The following GSG1L2 variants were observed in gnomAD, a reference collection of about 807,000 sequenced individuals.
GSG1L2 encodes germ cell-specific gene 1-like protein 2.
Under a neutral mutation model 9.0 loss-of-function variants are expected in GSG1L2, and 15 were observed. That is an observed-to-expected ratio of 1.67 (90% CI 1.12 to 2.57). GSG1L2 has a LOEUF of 2.57. Among genes scored for constraint, GSG1L2 ranks in the 30% most tolerant of loss-of-function variants. GSG1L2 has a pLI of 0.00. For missense variants in GSG1L2, 286 were observed against 150.3 expected (o/e 1.90, Z -4.72); for synonymous variants, 127 against 57.9 (o/e 2.19, Z -5.41).
intron 1 of GSG1L2, among the ~76,000 whole-genome samples, chr17:9,812,932 C>T (rs566012352): frequency 2.6e-4 from 40 of 152,292 alleles, no homozygotes; most frequent in African/African-American, 8.2e-4. Context: ...TAACCTCGCA[C>T]GGCAGAAAGA....
At chr17:9,809,014 A>G (rs761325505) in intron 2 of GSG1L2, 32 bp from the exon 3 acceptor site, 5 of 702,032 alleles carry the variant, frequency 7.1e-6, no homozygotes, top group South Asian at 4.4e-5. Flanking sequence ...GAAACGCTGG[A>G]CACTTCTAAT....
At chr17:9,810,526 A>G in intron 2 of GSG1L2, 45 bp downstream of exon 2, 1 of 700,148 alleles carries the variant, frequency 1.4e-6, no homozygotes. Flanking sequence ...AAATAGTCCA[A>G]GCTATGAGGA....
At chr17:9,821,390 G>C (rs1017159491) in intron 1 of GSG1L2, among the ~76,000 whole-genome samples, 2 of 149,306 alleles carry the variant, frequency 1.3e-5, no homozygotes, top group African/African-American at 5.1e-5. Flanking sequence ...AAATACCAGG[G>C]ATTCAGTGAC....
rs2066585958 is a variant in GSG1L2 at position 9,820,735 on chromosome 17, T to C, written c.310+1027A>G. Among the ~76,000 whole-genome samples, 1 of 151,724 alleles carries C rather than the reference T, an allele frequency of 6.6e-6. No homozygotes were observed. The highest frequency in any genetic ancestry group is 1.9e-4 in the East Asian group (1 of 5,134). On this transcript the variant is annotated intron_variant, in intron 1 of 4. Transcript: ENST00000399363. This position sits in a 1 kb window ranked among gnomAD's most constrained non-coding sequence, Gnocchi z 4.9. ...TGGAGGGCAGTCACACGATGATGAC[T>C]CACTGCAGCCTCAACCTCCCAGGCT... is the stretch of plus-strand genomic sequence containing the variant.
intron 4 of GSG1L2, among the ~76,000 whole-genome samples, chr17:9,803,188 C>T (rs1051785057): frequency 1.1e-4 from 17 of 149,576 alleles, no homozygotes; most frequent in African/African-American, 4.2e-4. Context: ...ACTGCAACCT[C>T]TGCCTCCCGG....
intron 1 of GSG1L2, among the ~76,000 whole-genome samples, chr17:9,816,629 A>T (rs1226309218): frequency 1.4e-3 from 110 of 78,048 alleles, no homozygotes; most frequent in Middle Eastern, 0.011. Flanking sequence ...TCTGTTTTGC[A>T]TGTCTGTGTG....
At chr17:9,811,486 C>T (rs2066538640) in intron 1 of GSG1L2, among the ~76,000 whole-genome samples, 3 of 152,204 alleles carry the variant, frequency 2.0e-5, no homozygotes, top group African/African-American at 7.2e-5. Flanking sequence ...CTTTAAAATT[C>T]TAAGTCCATG....
intron 4 of GSG1L2, 90 bp downstream of exon 4, chr17:9,807,400 C>T (rs2066519792): frequency 2.5e-5 from 17 of 685,698 alleles, no homozygotes; most frequent in South Asian, 2.3e-4. Context: ...AGCACTATGA[C>T]CAAGGTTGGT....
rs141155459 is a variant in GSG1L2 at position 9,802,361 on chromosome 17, C to T, written c.*25G>A. ...TCAGTGCCTGGCTTGTTTGCCTGTG[C>T]GGATGTGGCAGCCATGGACACTGGC... is the stretch of plus-strand genomic sequence containing the variant. On this transcript the variant is annotated 3_prime_UTR_variant, in exon 5 of 5. Coordinates refer to ENST00000399363, the MANE Select transcript of GSG1L2 (RefSeq NM_001310219.2). The T allele has an allele frequency of 2.8e-4, 175 of 628,308 alleles. No homozygotes were observed. Among genetic ancestry groups the T allele is most frequent in the Admixed American group, 6.8e-4 (27 of 39,936 alleles). 38.9% of individuals were successfully genotyped at this position (628,308 alleles called of 1,614,324 possible).
intron 1 of GSG1L2, among the ~76,000 whole-genome samples, chr17:9,812,305 A>T (rs997665590): frequency 1.3e-5 from 2 of 151,932 alleles, no homozygotes; most frequent in African/African-American, 2.4e-5. Flanking sequence ...AAGTAATTTA[A>T]TTTTCCTATT....
At chr17:9,802,696 C>T (rs1055593913) in intron 4 of GSG1L2, 52 bp from the exon 5 acceptor site, 2 of 682,558 alleles carry the variant, frequency 2.9e-6, no homozygotes, top group Non-Finnish European at 5.4e-6. Context: ...GATTCCAGGA[C>T]TTCCTGTTTT....
Position 9,807,508 on chromosome 17 carries a change from T to G in GSG1L2, c.605A>C (p.Asp202Ala), listed in dbSNP as rs182557583. The change falls in exon 4 of 5, where the codon GAC becomes GCC. Residue 202 changes from aspartate (D) to alanine (A), a missense_variant. Physicochemically the swap from Asp to Ala is moderately radical, Grantham distance 126. Transcript: ENST00000399363. ...GPEDWKPQTW[D>A]YGWSYCLAWG... Reference sequence around the variant, plus strand: ...AACTTACCAATATGACCAGCCATAGTCCCAGGTCTGAGGCTTCCAATCTTC... The same window carrying G: ...AACTTACCAATATGACCAGCCATAGGCCCAGGTCTGAGGCTTCCAATCTTC... 1.7e-5 allele frequency: 12 copies of G among 702,980 alleles called. No homozygotes were observed. In the Admixed American group the frequency reaches 2.2e-4, roughly 13 times the overall value. 43.5% of individuals were successfully genotyped at this position (702,980 alleles called of 1,614,324 possible).
intron 3 of GSG1L2, 176 bp downstream of exon 3, chr17:9,808,654 A>G (rs17207780): frequency 0.46 from 259,733 of 563,620 alleles, 60,970 homozygotes; most frequent in African/African-American, 0.58. Context: ...GTCACCCTAA[A>G]AATATTGTCT....
chr17:9,816,590 G>A lies in GSG1L2; in HGVS notation c.310+5172C>T, dbSNP rs1365843484. On this transcript the variant is annotated intron_variant, in intron 1 of 4. Coordinates refer to ENST00000399363, the MANE Select transcript of GSG1L2 (RefSeq NM_001310219.2). Reference sequence around the variant, plus strand: ...TATCTGTGTCTGTGTGTGCACGTGCGTGTCTGTGTGTCTGTGTGTGTCTGT... The same window carrying A: ...TATCTGTGTCTGTGTGTGCACGTGCATGTCTGTGTGTCTGTGTGTGTCTGT... 1.5e-4 allele frequency among the ~76,000 whole-genome samples: 16 copies of A among 104,642 alleles called. No individual in the cohort carries two copies. The South Asian group carries it at 2.1e-3, about 14-fold the overall frequency. 68.6% of individuals were successfully genotyped at this position (104,642 alleles called of 152,430 possible). A position where few individuals can be genotyped will look rare whatever the true frequency, so the allele number is the denominator to read the frequency against.
rs2066498396 is a variant in GSG1L2, at chr17:9,802,001, T to G, written c.*385A>C. Among the ~76,000 whole-genome samples the G allele has an allele frequency of 6.6e-6, 1 of 152,262 alleles. No homozygotes were observed. Among genetic ancestry groups the G allele is most frequent in the Non-Finnish European group, 1.5e-5 (1 of 68,050 alleles). On this transcript the variant is annotated 3_prime_UTR_variant, in exon 5 of 5. Transcript: ENST00000399363. ...CTGGATTTTTCTGTCAACAAACCTATGCGGACAACACATTTTGCCTCCCTT... is the reference window on the plus strand; with the variant it reads ...CTGGATTTTTCTGTCAACAAACCTAGGCGGACAACACATTTTGCCTCCCTT...
At chr17:9,805,278 C>G (rs538411088) in intron 4 of GSG1L2, among the ~76,000 whole-genome samples, 1 of 151,912 alleles carries the variant, frequency 6.6e-6, no homozygotes, top group Non-Finnish European at 1.5e-5. Context: ...TCCCCCACCC[C>G]AAGCACATAG....
intron 1 of GSG1L2, among the ~76,000 whole-genome samples, chr17:9,818,026 T>C (rs1202636476): frequency 6.6e-6 from 1 of 152,158 alleles, no homozygotes; most frequent in Non-Finnish European, 1.5e-5. Context: ...GCCACCTCCT[T>C]TATGAGGTCC....
intron 1 of GSG1L2, among the ~76,000 whole-genome samples, chr17:9,811,389 T>C (rs937546858): frequency 6.6e-6 from 1 of 152,188 alleles, no homozygotes; most frequent in African/African-American, 2.4e-5. Context: ...TCCAGGGGGA[T>C]AGATACTCTT....
rs569570784 is a variant in GSG1L2, at chr17:9,821,613, C to T, written c.310+149G>A. The T allele has an allele frequency of 5.3e-5, 33 of 623,022 alleles. No homozygotes were observed. In the African/African-American group the frequency reaches 5.6e-4, roughly 11 times the overall value. 38.6% of individuals were successfully genotyped at this position (623,022 alleles called of 1,614,324 possible). A position where few individuals can be genotyped will look rare whatever the true frequency, so the allele number is the denominator to read the frequency against. On this transcript the variant is annotated intron_variant, in intron 1 of 4. Coordinates refer to ENST00000399363, the MANE Select transcript of GSG1L2 (RefSeq NM_001310219.2). ...AGACAATCAGTGGAGATGAAGGATT[C>T]AAACCCAGACAGCCTGGCTCCAGAG...
Sources: allele counts gnomAD v4.1 joint callset (sites outside exome capture counted in the v4.1 genomes callset), GRCh38; gene constraint gnomAD v4.1.1; non-coding constraint Gnocchi (gnomAD v3.1); transcripts MANE v1.5; gene names NCBI Gene and HGNC (gene_info 2026-07-23, HGNC 2026-07-21).